ZFHX3: variants seen among roughly 807,000 people sequenced by gnomAD.
The protein encoded by ZFHX3 is zinc finger homeobox 3, also known as zinc finger homeobox protein 3.
Under a neutral mutation model 279.1 loss-of-function variants are expected in ZFHX3, and 42 were observed. That is an observed-to-expected ratio of 0.15 (90% CI 0.12 to 0.19). ZFHX3 has a LOEUF of 0.19. Ranked by LOEUF, ZFHX3 falls within the 10% of genes least tolerant of loss-of-function variation. ZFHX3 has a pLI of 1.00. For synonymous variants in ZFHX3, 2,293 were observed against 1,957.8 expected (o/e 1.17, Z -4.52); for missense variants, 4,981 against 4,754.0 (o/e 1.05, Z -1.40).
chr16:72,937,997 T>A (rs1048546514), intron 3 of ZFHX3, among the ~76,000 whole-genome samples: 5 of 152,244 alleles, frequency 3.3e-5, no homozygotes, highest in Admixed American at 6.5e-5. Flanking sequence ...GATGTCTACT[T>A]GTGCTGCATT....
chr16:72,828,524 G>A (rs2036986607), intron 5 of ZFHX3, among the ~76,000 whole-genome samples: 2 of 152,166 alleles, frequency 1.3e-5, no homozygotes, highest in African/African-American at 4.8e-5. Flanking sequence ...CTTTGGGTAA[G>A]ATGTCCCCCT....
chr16:72,925,582 T>C (rs540165971), intron 3 of ZFHX3, among the ~76,000 whole-genome samples: 23 of 152,380 alleles, frequency 1.5e-4, no homozygotes, highest in African/African-American at 5.5e-4. Flanking sequence ...AGGCAGCCCA[T>C]ACCTGTGTCC....
chr16:73,257,849 C>T (rs1597247733), intron 4 of ZFHX3, among the ~76,000 whole-genome samples: 1 of 152,316 alleles, frequency 6.6e-6, no homozygotes, highest in African/African-American at 2.4e-5. Flanking sequence ...AGTAAAGTGG[C>T]CTGGGTCAAG....
chr16:72,885,117 T>C (rs533319406), intron 4 of ZFHX3, among the ~76,000 whole-genome samples: 149 of 152,358 alleles, frequency 9.8e-4, no homozygotes, highest in Non-Finnish European at 1.2e-3. Context: ...CTTGTGTCTA[T>C]TGTGGGGTAG....
At chr16:73,404,319 G>A (rs1476458686) in intron 3 of ZFHX3, among the ~76,000 whole-genome samples, 5 of 152,218 alleles carry the variant, frequency 3.3e-5, no homozygotes, top group Middle Eastern at 3.4e-3. Flanking sequence ...ATGGTTTCCT[G>A]GAATGAACAA....
At chr16:73,342,673 A>C (rs1231333175) in intron 3 of ZFHX3, among the ~76,000 whole-genome samples, 1 of 152,204 alleles carries the variant, frequency 6.6e-6, no homozygotes, top group Non-Finnish European at 1.5e-5. Context: ...GAAAATCAGA[A>C]ATGGAAGAGA....
At chr16:73,293,052 A>G (rs1000752871) in intron 4 of ZFHX3, among the ~76,000 whole-genome samples, 3 of 152,146 alleles carry the variant, frequency 2.0e-5, no homozygotes, top group Non-Finnish European at 4.4e-5. Flanking sequence ...GGGAAGAGAC[A>G]CTGTGCTTGT....
chr16:73,787,948 C>T (rs76933960), intron 1 of ZFHX3, among the ~76,000 whole-genome samples: 4,012 of 152,096 alleles, frequency 0.026, 69 homozygotes, highest in Middle Eastern at 0.048. Context: ...GCAATTCACA[C>T]GCATTCCACT....
chr16:73,369,794 T>C (rs555253013), intron 3 of ZFHX3, among the ~76,000 whole-genome samples: 3 of 152,212 alleles, frequency 2.0e-5, no homozygotes, highest in Non-Finnish European at 2.9e-5. Flanking sequence ...AGATATTCTT[T>C]AGTATAAGAA....
intron 3 of ZFHX3, among the ~76,000 whole-genome samples, chr16:73,319,557 G>C (rs1375125605): frequency 1.3e-5 from 2 of 151,978 alleles, no homozygotes; most frequent in Non-Finnish European, 2.9e-5. Flanking sequence ...AGAAACTCAG[G>C]GGCGGGGGGT....
intron 6 of ZFHX3, among the ~76,000 whole-genome samples, chr16:73,140,744 C>G (rs545281978): frequency 1.3e-4 from 20 of 152,300 alleles, no homozygotes; most frequent in Admixed American, 8.5e-4. Context: ...GTCCCAGCTA[C>G]TTGGGAGGCT....
intron 2 of ZFHX3, among the ~76,000 whole-genome samples, chr16:73,622,726 C>T (rs1004663248): frequency 2.0e-5 from 3 of 152,158 alleles, no homozygotes; most frequent in African/African-American, 7.2e-5. Context: ...TATCGCCCCC[C>T]CAACCTACAG....
At chr16:72,965,071 G>T (rs1317999232) in intron 1 of ZFHX3, among the ~76,000 whole-genome samples, 1 of 151,928 alleles carries the variant, frequency 6.6e-6, no homozygotes, top group Non-Finnish European at 1.5e-5. Context: ...TATAGATGGG[G>T]TTTCACCATG....
intron 1 of ZFHX3, among the ~76,000 whole-genome samples, chr16:73,861,235 G>T (rs1961874904): frequency 1.3e-5 from 2 of 152,186 alleles, no homozygotes; most frequent in East Asian, 1.9e-4. Context: ...AAAATGCTGG[G>T]ATCACAGGCA....
intron 2 of ZFHX3, among the ~76,000 whole-genome samples, chr16:73,473,177 C>A (rs971091362): frequency 6.6e-6 from 1 of 150,970 alleles, no homozygotes; most frequent in East Asian, 2.0e-4. Context: ...CCTATCTCTA[C>A]AAAAAATACA....
rs1160421823 is a variant in ZFHX3, at chr16:73,725,526, T to C, written c.-1607-45286A>G. Among the ~76,000 whole-genome samples, 3 of 101,436 alleles carry C rather than the reference T, an allele frequency of 3.0e-5. No homozygotes were observed. In the East Asian group the frequency reaches 9.1e-4, roughly 31 times the overall value. 66.5% of individuals were successfully genotyped at this position (101,436 alleles called of 152,430 possible). Reference sequence around the variant, plus strand: ...CTTATTGTCACTACCTCCAACAGAGTGTGAGTGTGAGTGAGTGTGTGTGTG... The same window carrying C: ...CTTATTGTCACTACCTCCAACAGAGCGTGAGTGTGAGTGAGTGTGTGTGTG... On this transcript the variant is annotated intron_variant, in intron 1 of 17. Coordinates refer to the ZFHX3 transcript ENST00000641206.
At chr16:73,123,755 C>T (rs1359362921) in intron 7 of ZFHX3, 1 of 152,042 alleles carries the variant, frequency 6.6e-6, no homozygotes, top group Non-Finnish European at 1.5e-5. Flanking sequence ...GAGGTAGAGT[C>T]TTTGGGAAGT....
chr16:72,854,346 G>T (rs1053405468), intron 4 of ZFHX3, among the ~76,000 whole-genome samples: 2 of 152,192 alleles, frequency 1.3e-5, no homozygotes, highest in Admixed American at 1.3e-4. Flanking sequence ...CGAAAGAAAT[G>T]GCGGTTGTGT....
intron 1 of ZFHX3, among the ~76,000 whole-genome samples, chr16:73,824,277 G>C (rs1960833444): frequency 6.6e-6 from 1 of 151,760 alleles, no homozygotes; most frequent in South Asian, 2.1e-4. Flanking sequence ...GTTGCTTGAA[G>C]CATAGCGTGA....
Sources: gnomAD v4.1 joint callset for allele counts (sites outside exome capture counted in the v4.1 genomes callset) on GRCh38, gnomAD v4.1.1 for gene constraint, MANE v1.5 for transcripts, NCBI Gene and HGNC (gene_info 2026-07-23, HGNC 2026-07-21) for gene names.